The following ZNF589 variants were observed in gnomAD, a reference collection of about 807,000 sequenced individuals.
ZNF589 encodes the protein KRAB-zinc finger protein SZF1-1.
ZNF589 carries 17 observed loss-of-function variants against 13.6 expected under a neutral mutation model. That is an observed-to-expected ratio of 1.25 (90% CI 0.86 to 1.88). The LOEUF (loss-of-function observed/expected upper bound fraction) is 1.88. Ranked by LOEUF, ZNF589 falls within the 40% of genes most tolerant of loss-of-function variation. ZNF589 has a pLI of 0.00. For missense variants in ZNF589, 407 were observed against 434.0 expected (o/e 0.94, Z 0.55); for synonymous variants, 148 against 161.6 (o/e 0.92, Z 0.64).
intron 2 of ZNF589, among the ~76,000 whole-genome samples, chr3:48,257,715 GA>G (rs1225012660): frequency 6.6e-6 from 1 of 150,654 alleles, no homozygotes; most frequent in Admixed American, 6.6e-5. Flanking sequence ...GATTCATTTT[GA>G]TTTTTTTTGT....
chr3:48,244,293 A>G (rs2033736053), intron 1 of ZNF589, among the ~76,000 whole-genome samples: 1 of 152,108 alleles, frequency 6.6e-6, no homozygotes, highest in South Asian at 2.1e-4. Context: ...GTGGCCAAAT[A>G]ATGGTACTCA....
At chr3:48,261,008 A>G in intron 3 of ZNF589, 69 bp downstream of exon 3, 2 of 1,544,268 alleles carry the variant, frequency 1.3e-6, no homozygotes, top group Non-Finnish European at 1.8e-6. Flanking sequence ...TGTGCCAGCC[A>G]ATGTTTTAAT....
rs2034057117 is a variant in ZNF589 at position 48,268,928 on chromosome 3, G to A, written c.*142G>A. On this transcript the variant is annotated 3_prime_UTR_variant, in exon 4 of 4. Coordinates refer to ENST00000354698, the MANE Select transcript of ZNF589 (RefSeq NM_016089.3). ...CCTACACCAGTGGACACATTCAGAG[G>A]TGAAACCTCACGTGTGTGAGGAGTG... 5.7e-6 allele frequency: 7 copies of A among 1,232,292 alleles called. No individual in the cohort carries two copies. In the South Asian group the frequency reaches 8.8e-5, roughly 15 times the overall value. The allele number at this position is 1,232,292 out of a possible 1,614,324, so 76.3% of individuals were successfully genotyped here.
chr3:48,261,133 A>G (rs2033966101), intron 3 of ZNF589, among the ~76,000 whole-genome samples, 194 bp downstream of exon 3: 1 of 152,200 alleles, frequency 6.6e-6, no homozygotes, highest in Non-Finnish European at 1.5e-5. Flanking sequence ...GGTAAATTAT[A>G]TATGTCAAAG....
At chr3:48,253,633 G>A (rs1255287863) in intron 2 of ZNF589, among the ~76,000 whole-genome samples, 2 of 151,800 alleles carry the variant, frequency 1.3e-5, no homozygotes, top group African/African-American at 4.8e-5. Context: ...CCGAGTAGCT[G>A]GGACTACAGG....
In ZNF589 at chr3:48,269,369, C is replaced by G; in HGVS notation, c.*583C>G. Reference sequence around the variant, plus strand: ...CAAGGAAAAACCTTATGTGTGCAGCCAGTGTGGGCGAGGCTTTTGTGATAA... The same window carrying G: ...CAAGGAAAAACCTTATGTGTGCAGCGAGTGTGGGCGAGGCTTTTGTGATAA... On this transcript the variant is annotated 3_prime_UTR_variant, in exon 4 of 4. Coordinates refer to ENST00000354698, the MANE Select transcript of ZNF589 (RefSeq NM_016089.3). The G allele has an allele frequency of 9.5e-6, 7 of 736,888 alleles. No individual in the cohort carries two copies. The highest frequency in any genetic ancestry group is 3.8e-5 in the East Asian group (1 of 26,098). The allele number at this position is 736,888 out of a possible 1,614,324, so 45.6% of individuals were successfully genotyped here.
rs891102369 is a variant in ZNF589 at position 48,270,727 on chromosome 3, G to A, written c.*1941G>A. ...CAAAATACTTAGGCTTGGTTTTGAT[G>A]CTAGAGAGGAAAAAGGACTTGGAGA... On this transcript the variant is annotated 3_prime_UTR_variant, in exon 4 of 4. Transcript: ENST00000354698. 1.2e-5 allele frequency: 2 copies of A among 169,832 alleles called. No homozygotes were observed. Among genetic ancestry groups the A allele is most frequent in the Non-Finnish European group, 1.3e-5 (1 of 78,078 alleles). 10.5% of individuals were successfully genotyped at this position (169,832 alleles called of 1,614,324 possible).
intron 2 of ZNF589, among the ~76,000 whole-genome samples, chr3:48,252,196 ATTATTT>A (rs1483665713): frequency 1.3e-5 from 2 of 151,186 alleles, no homozygotes; most frequent in African/African-American, 4.9e-5. Flanking sequence ...TATTATTATT[ATTATTT>A]TTTTTTTGAG....
chr3:48,243,894 G>A (rs2033731278), intron 1 of ZNF589, among the ~76,000 whole-genome samples: 1 of 152,190 alleles, frequency 6.6e-6, no homozygotes, highest in African/African-American at 2.4e-5. Context: ...TGGTCACAGA[G>A]CTAGAAAGGT....
rs2033690532 is a variant in ZNF589, at chr3:48,241,155, C to T, written c.-17C>T. On this transcript the variant is annotated 5_prime_UTR_variant, in exon 1 of 4. Coordinates refer to ENST00000354698, the MANE Select transcript of ZNF589 (RefSeq NM_016089.3). Reference sequence around the variant, plus strand: ...GTGCTGCTACCTCGTTTGCTTCGTGCGTGCGTGCGCGCGCAGATGTGGGCC... The same window carrying T: ...GTGCTGCTACCTCGTTTGCTTCGTGTGTGCGTGCGCGCGCAGATGTGGGCC... The T allele has an allele frequency of 6.9e-6, 11 of 1,600,848 alleles. No individual in the cohort carries two copies. The highest frequency in any genetic ancestry group is 8.5e-6 in the Non-Finnish European group (10 of 1,173,576).
rs773316997 is a variant in ZNF589, at chr3:48,241,225, G to A, written c.43+11G>A. The A allele has an allele frequency of 4.3e-6, 7 of 1,610,710 alleles. No homozygotes were observed. In the South Asian group the frequency reaches 4.4e-5, roughly 10 times the overall value. On this transcript the variant is annotated intron_variant, in intron 1 of 3. Transcript: ENST00000354698. ...GCTGGACTGCGGAAGGTGAGTCGGG[G>A]CCGCGAGATCGCCTCCCCCATTCGG... is the stretch of plus-strand genomic sequence containing the variant.
intron 2 of ZNF589, among the ~76,000 whole-genome samples, chr3:48,257,232 A>C (rs2033913716): frequency 6.6e-6 from 1 of 151,882 alleles, no homozygotes; most frequent in Non-Finnish European, 1.5e-5. Context: ...TTCTATAGTA[A>C]AAAGTTTTTG....
At chr3:48,255,587 G>A (rs1297002286) in intron 2 of ZNF589, among the ~76,000 whole-genome samples, 18 of 144,404 alleles carry the variant, frequency 1.2e-4, no homozygotes, top group African/African-American at 3.9e-4. Flanking sequence ...TCCGCCTCCC[G>A]GGTTCAAGTG....
intron 2 of ZNF589, chr3:48,256,785 G>A (rs192547635): frequency 1.3e-5 from 20 of 1,594,754 alleles, no homozygotes; most frequent in Admixed American, 1.0e-4. Flanking sequence ...GCTGTGATAC[G>A]GCCTTCAATT....
At chr3:48,259,487 A>G (rs996052438) in intron 2 of ZNF589, among the ~76,000 whole-genome samples, 1 of 152,174 alleles carries the variant, frequency 6.6e-6, no homozygotes, top group African/African-American at 2.4e-5. Flanking sequence ...AGAACCTGGA[A>G]TATACATTAC....
rs2033783062 is a variant in ZNF589 at position 48,247,608 on chromosome 3, C to T, written c.44-17C>T. 1 of 1,601,308 alleles carries T rather than the reference C, an allele frequency of 6.2e-7. No individual in the cohort carries two copies. On this transcript the variant is annotated splice_polypyrimidine_tract_variant and intron_variant, in intron 1 of 3. Coordinates refer to ENST00000354698, the MANE Select transcript of ZNF589 (RefSeq NM_016089.3). ...TGGTAGGGCTGGCTTCTCAAGGTTGCTTCTTTCTTTCCCCAGCTCTGCCTG... is the reference window on the plus strand; with the variant it reads ...TGGTAGGGCTGGCTTCTCAAGGTTGTTTCTTTCTTTCCCCAGCTCTGCCTG...
At chr3:48,257,831 G>C in intron 2 of ZNF589, 1 of 336,532 alleles carries the variant, frequency 3.0e-6, no homozygotes. Context: ...ATTCTTCATT[G>C]AATTACTTTT....
At position 48,257,074 on chromosome 3, in the gene ZNF589, AG is replaced by A. The variant is rs2033911873; in HGVS notation, c.97-3734del. ...GGATTTGATTTTCTTATATTTTGGGAGGGGGTATTGTATCTCTGTGAGATAT... is the reference window on the plus strand; with the variant it reads ...GGATTTGATTTTCTTATATTTTGGGAGGGGTATTGTATCTCTGTGAGATAT... On this transcript the variant is annotated intron_variant, in intron 2 of 3. Transcript: ENST00000354698. 6 of 484,336 alleles carry A rather than the reference AG, an allele frequency of 1.2e-5. No homozygotes were observed. In the East Asian group the frequency reaches 3.6e-4, roughly 29 times the overall value. 30.0% of individuals were successfully genotyped at this position (484,336 alleles called of 1,614,324 possible).
At position 48,268,763 on chromosome 3, in the gene ZNF589, A is replaced by G. The variant is rs761798094; in HGVS notation, c.1072A>G (p.Lys358Glu). 3.7e-6 allele frequency: 6 copies of G among 1,613,736 alleles called. No homozygotes were observed. The highest frequency in any genetic ancestry group is 5.1e-6 in the Non-Finnish European group (6 of 1,179,808). ...GCACCAGAGAATTCACACGGGGGAT[A>G]AGCCTTATGTGTGCAGAGATTGAGG... ...IKHQRIHTGD[K>E]PYVCRD Residue 358 changes from lysine to glutamate, a missense_variant, in exon 4 of 4, where the codon AAG becomes GAG. Coordinates refer to ENST00000354698, the MANE Select transcript of ZNF589 (RefSeq NM_016089.3).
Sources: allele counts gnomAD v4.1 joint callset (sites outside exome capture counted in the v4.1 genomes callset), GRCh38; gene constraint gnomAD v4.1.1; transcripts MANE v1.5; gene names NCBI Gene and HGNC (gene_info 2026-07-23, HGNC 2026-07-21).